CRTAP: variants seen among roughly 807,000 people sequenced by gnomAD.
CRTAP encodes cartilage-associated protein.
CRTAP carries 33 observed loss-of-function variants against 42.7 expected under a neutral mutation model. The ratio of observed to expected loss-of-function variants is 0.77; its 90% confidence interval spans 0.59 to 1.03. The LOEUF is 1.03. Ranked by LOEUF, CRTAP falls within the 50% of genes least tolerant of loss-of-function variation. The pLI, the probability that CRTAP is intolerant of heterozygous loss-of-function variation, is 0.00. For missense variants in CRTAP, 613 were observed against 533.9 expected (o/e 1.15, Z -1.46); for synonymous variants, 243 against 217.7 (o/e 1.12, Z -1.02).
rs1170735194 is a variant in CRTAP, at chr3:33,142,864, G to T, written c.*416G>T. 1.8e-5 allele frequency: 4 copies of T among 217,622 alleles called. No homozygotes were observed. In the East Asian group the frequency reaches 3.2e-4, roughly 17 times the overall value. 13.5% of individuals were successfully genotyped at this position (217,622 alleles called of 1,614,324 possible). A position where few individuals can be genotyped will look rare whatever the true frequency, so the allele number is the denominator to read the frequency against. The stretch of plus-strand genomic sequence containing the variant: ...AGACGGGGTTTTGCCATGTTGGCCA[G>T]GCTGGTCTCGAACTCTTGACTTCAG... On this transcript the variant is annotated 3_prime_UTR_variant, in exon 7 of 7. Coordinates refer to ENST00000320954, the MANE Select transcript of CRTAP (RefSeq NM_006371.5).
intron 6 of CRTAP, among the ~76,000 whole-genome samples, chr3:33,137,220 A>C (rs994271330): frequency 1.3e-5 from 2 of 152,084 alleles, no homozygotes; most frequent in African/African-American, 4.8e-5. Flanking sequence ...GGCTCACTGC[A>C]ACCTCCGCCT....
At chr3:33,125,176 T>C (rs2030022738) in intron 3 of CRTAP, among the ~76,000 whole-genome samples, 1 of 152,214 alleles carries the variant, frequency 6.6e-6, no homozygotes, top group Non-Finnish European at 1.5e-5. Context: ...GGGAAATGGC[T>C]AAGGGAAGCT....
chr3:33,130,525 CTTTTTTTTTT>C (rs765558103), intron 4 of CRTAP, among the ~76,000 whole-genome samples: 3 of 55,228 alleles, frequency 5.4e-5, no homozygotes, highest in Non-Finnish European at 9.3e-5. Flanking sequence ...CTTTTCTTTT[CTTTTTTTTTT>C]TTTTTTTTTT....
chr3:33,134,609 A>T (rs1438314519), intron 6 of CRTAP, among the ~76,000 whole-genome samples: 1 of 152,136 alleles, frequency 6.6e-6, no homozygotes, highest in Non-Finnish European at 1.5e-5. Flanking sequence ...TCACACCCCA[A>T]TTTTTCTGCT....
intron 3 of CRTAP, among the ~76,000 whole-genome samples, chr3:33,126,058 G>A (rs1464156156): frequency 6.6e-6 from 1 of 152,176 alleles, no homozygotes; most frequent in Admixed American, 6.5e-5. Flanking sequence ...GCAACCATCA[G>A]CACCATCCAT....
intron 6 of CRTAP, among the ~76,000 whole-genome samples, chr3:33,140,629 G>A (rs1232156670): frequency 1.3e-5 from 2 of 152,054 alleles, no homozygotes; most frequent in African/African-American, 2.4e-5. Flanking sequence ...GAAAGTTTAC[G>A]CACTGGTTCA....
At chr3:33,119,178 G>A (rs986899979) in intron 1 of CRTAP, among the ~76,000 whole-genome samples, 1 of 152,154 alleles carries the variant, frequency 6.6e-6, no homozygotes, top group African/African-American at 2.4e-5. Flanking sequence ...AAGACAGAGG[G>A]GAAAAGAGAG....
chr3:33,114,043 CT>C lies in CRTAP; in HGVS notation c.-33del. The C allele has an allele frequency of 7.0e-7, 1 of 1,420,704 alleles. No homozygotes were observed. The highest frequency in any genetic ancestry group is 9.2e-7 in the Non-Finnish European group (1 of 1,082,190). The allele number at this position is 1,420,704 out of a possible 1,614,324, so 88.0% of individuals were successfully genotyped here. On this transcript the variant is annotated 5_prime_UTR_variant, in exon 1 of 7. Transcript: ENST00000320954. ...TCCTTCTCCCTCCCCTTTTCCCTTC[CT>C]TCGTCCCTTCCTTCCTTCCTTTCGC... is the stretch of plus-strand genomic sequence containing the variant.
Position 33,124,446 on chromosome 3 carries a change from G to A in CRTAP, c.660G>A (p.Glu220=). 1 of 1,614,228 alleles carries A rather than the reference G, an allele frequency of 6.2e-7. No homozygotes were observed. The highest frequency in any genetic ancestry group is 8.5e-7 in the Non-Finnish European group (1 of 1,180,054). Residue 220 remains glutamate (E), a synonymous_variant, in exon 3 of 7, where the codon GAG becomes GAA. Transcript: ENST00000320954. ...GAGCAGTGCGGGCATACAACGGTGA[G>A]AACTGGAGAACATCCATCACAGACA... ...FIRAVRAYNG[E]NWRTSITDME...
chr3:33,147,582 T>C lies in CRTAP; in HGVS notation c.*5134T>C, dbSNP rs958340124. 2.0e-5 allele frequency: 3 copies of C among 151,998 alleles called. No homozygotes were observed. Among genetic ancestry groups the C allele is most frequent in the Non-Finnish European group, 2.9e-5 (2 of 67,990 alleles). 9.4% of individuals were successfully genotyped at this position (151,998 alleles called of 1,614,324 possible). A position where few individuals can be genotyped will look rare whatever the true frequency, so the allele number is the denominator to read the frequency against. ...AACAGATACAAGATAGATTCCAGAG[T>C]TTTATCTCCCACTTTAGGGTGGCAG... On this transcript the variant is annotated 3_prime_UTR_variant, in exon 7 of 7. Coordinates refer to ENST00000320954, the MANE Select transcript of CRTAP (RefSeq NM_006371.5).
chr3:33,120,231 C>T, intron 1 of CRTAP, 113 bp from the exon 2 acceptor site: 2 of 976,512 alleles, frequency 2.0e-6, no homozygotes, highest in Non-Finnish European at 1.6e-6. Flanking sequence ...GAACCTTTAG[C>T]TGGAAAAGTT....
In CRTAP at chr3:33,114,333, C is replaced by A. The variant is rs1293067764; in HGVS notation, c.256C>A (p.Arg86Ser). 1 of 1,537,408 alleles carries A rather than the reference C, an allele frequency of 6.5e-7. No individual in the cohort carries two copies. The highest frequency in any genetic ancestry group is 2.5e-5 in the East Asian group (1 of 39,960). Residue 86 changes from arginine to serine, a missense_variant, in exon 1 of 7, where the codon CGC becomes AGC. By Grantham distance (110) the Arg-to-Ser change is moderately radical. Transcript: ENST00000320954. ...GCGCGACAGCGAGGCCTTCTGCCAC[C>A]GCAACTGCAGCGCCGCGCCGCAGCC... ...LLRDSEAFCH[R>S]NCSAAPQPEP...
At chr3:33,122,763 G>A (rs895156317) in intron 2 of CRTAP, among the ~76,000 whole-genome samples, 1 of 150,736 alleles carries the variant, frequency 6.6e-6, no homozygotes, top group Non-Finnish European at 1.5e-5. Context: ...TTTACCTGAG[G>A]CCTTAAGCTT....
intron 6 of CRTAP, among the ~76,000 whole-genome samples, chr3:33,138,317 A>T (rs1023651875): frequency 6.6e-6 from 1 of 152,158 alleles, no homozygotes; most frequent in African/African-American, 2.4e-5. Flanking sequence ...ATTCCACTGA[A>T]CACATAAATC....
At position 33,145,700 on chromosome 3, in the gene CRTAP, G is replaced by C. The variant is rs2030702632; in HGVS notation, c.*3252G>C. On this transcript the variant is annotated 3_prime_UTR_variant, in exon 7 of 7. Coordinates refer to ENST00000320954, the MANE Select transcript of CRTAP (RefSeq NM_006371.5). The surrounding 1 kb of genome is among the most constrained non-coding windows in gnomAD (Gnocchi z 4.3). Reference sequence around the variant, plus strand: ...GAGAAAATGAAAGCCGACGTCCACAGGGACCCAGGCAGGGTTGGGTGTTGT... The same window carrying C: ...GAGAAAATGAAAGCCGACGTCCACACGGACCCAGGCAGGGTTGGGTGTTGT... 6.6e-6 allele frequency: 1 copy of C among 152,340 alleles called. No individual in the cohort carries two copies. Among genetic ancestry groups the C allele is most frequent in the Non-Finnish European group, 1.5e-5 (1 of 68,170 alleles). 9.4% of individuals were successfully genotyped at this position (152,340 alleles called of 1,614,324 possible). A position where few individuals can be genotyped will look rare whatever the true frequency, so the allele number is the denominator to read the frequency against.
At chr3:33,129,180 G>A (rs919550214) in intron 3 of CRTAP, among the ~76,000 whole-genome samples, 1 of 152,190 alleles carries the variant, frequency 6.6e-6, no homozygotes, top group Non-Finnish European at 1.5e-5. Flanking sequence ...GAAAATATGT[G>A]TATTTTAACC....
intron 4 of CRTAP, among the ~76,000 whole-genome samples, chr3:33,130,331 C>T (rs541770011): frequency 1.3e-5 from 2 of 152,256 alleles, no homozygotes; most frequent in African/African-American, 4.8e-5. Flanking sequence ...GATTGTAGTA[C>T]TAACCTCATA....
chr3:33,146,917 A>C lies in CRTAP; in HGVS notation c.*4469A>C, dbSNP rs2030737047. On this transcript the variant is annotated 3_prime_UTR_variant, in exon 7 of 7. Coordinates refer to ENST00000320954, the MANE Select transcript of CRTAP (RefSeq NM_006371.5). ...TAAAAAAAAAAAAATCAATACTTAAACTGTAGGGAAAAGGTGGATTGGTGC... is the reference window on the plus strand; with the variant it reads ...TAAAAAAAAAAAAATCAATACTTAACCTGTAGGGAAAAGGTGGATTGGTGC... 6.6e-6 allele frequency: 1 copy of C among 152,574 alleles called. No individual in the cohort carries two copies. Among genetic ancestry groups the C allele is most frequent in the Non-Finnish European group, 1.5e-5 (1 of 68,022 alleles). 9.5% of individuals were successfully genotyped at this position (152,574 alleles called of 1,614,324 possible).
At position 33,114,127 on chromosome 3, in the gene CRTAP, T is replaced by G; in HGVS notation, c.50T>G (p.Val17Gly). The G allele has an allele frequency of 1.3e-6, 2 of 1,560,010 alleles. No individual in the cohort carries two copies. The highest frequency in any genetic ancestry group is 1.7e-6 in the Non-Finnish European group (2 of 1,163,330). ...GCGGCGCTGCTAGCGCTGCTGTGCGTGGCCTGCGCGCTGCGCGCCGGGCGC... is the reference window on the plus strand; with the variant it reads ...GCGGCGCTGCTAGCGCTGCTGTGCGGGGCCTGCGCGCTGCGCGCCGGGCGC... ...GAAALLALLC[V>G]ACALRAGRAQ... The change falls in exon 1 of 7, where the codon GTG becomes GGG. Residue 17 changes from valine (V) to glycine (G), a missense_variant. Physicochemically the swap from Val to Gly is moderately radical, Grantham distance 109 (BLOSUM62 -3). Coordinates refer to ENST00000320954, the MANE Select transcript of CRTAP (RefSeq NM_006371.5).
Sources: allele counts gnomAD v4.1 joint callset (sites outside exome capture counted in the v4.1 genomes callset), GRCh38; gene constraint gnomAD v4.1.1; non-coding constraint Gnocchi (gnomAD v3.1); transcripts MANE v1.5; gene names NCBI Gene and HGNC (gene_info 2026-07-23, HGNC 2026-07-21).